The following VWA3B variants were observed in gnomAD, a reference collection of about 807,000 sequenced individuals.
The protein encoded by VWA3B is von Willebrand factor A domain containing 3B.
Under a neutral mutation model 158.3 loss-of-function variants are expected in VWA3B, and 138 were observed. The ratio of observed to expected loss-of-function variants is 0.87; its 90% CI spans 0.76 to 1.00. VWA3B has a LOEUF of 1.00. Ranked by LOEUF, VWA3B falls within the 50% of genes least tolerant of loss-of-function variation. VWA3B has a pLI of 0.00. For synonymous variants in VWA3B, 596 were observed against 587.3 expected (o/e 1.01, Z -0.21); for missense variants, 1,555 against 1,565.1 (o/e 0.99, Z 0.11).
intron 12 of VWA3B, among the ~76,000 whole-genome samples, chr2:98,198,431 C>T (rs1682244397): frequency 6.6e-6 from 1 of 152,124 alleles, no homozygotes; most frequent in South Asian, 2.1e-4. Context: ...CTTACCCAAT[C>T]TCTTTAGCGT....
intron 26 of VWA3B, among the ~76,000 whole-genome samples, chr2:98,305,866 C>T (rs1310285336): frequency 6.6e-6 from 1 of 152,124 alleles, no homozygotes; most frequent in Non-Finnish European, 1.5e-5. Context: ...TGCAAATCTG[C>T]CTGTGTCCCT....
At chr2:98,108,730 T>TAA (rs1673879685) in intron 2 of VWA3B, among the ~76,000 whole-genome samples, 1 of 152,004 alleles carries the variant, frequency 6.6e-6, no homozygotes, top group African/African-American at 2.4e-5. Flanking sequence ...CTTATATATA[T>TAA]AATTATATTT....
intron 13 of VWA3B, among the ~76,000 whole-genome samples, chr2:98,215,365 C>T (rs1304046016): frequency 6.7e-6 from 1 of 149,524 alleles, no homozygotes; most frequent in Non-Finnish European, 1.5e-5. Flanking sequence ...GGTGTGAACC[C>T]GGGAGTTGAA....
At chr2:98,169,541 T>A (rs1042912392) in intron 8 of VWA3B, among the ~76,000 whole-genome samples, 1 of 152,096 alleles carries the variant, frequency 6.6e-6, no homozygotes, top group Non-Finnish European at 1.5e-5. Flanking sequence ...TAACCATACG[T>A]ATGTCAAAAC....
intron 1 of VWA3B, among the ~76,000 whole-genome samples, chr2:98,091,153 T>C (rs1425775021): frequency 6.6e-6 from 1 of 152,170 alleles, no homozygotes; most frequent in African/African-American, 2.4e-5. Context: ...CCTACTAGAA[T>C]GCAGTCCTAC....
At chr2:98,126,943 A>G (rs892085373) in intron 5 of VWA3B, among the ~76,000 whole-genome samples, 1 of 144,804 alleles carries the variant, frequency 6.9e-6, no homozygotes, top group African/African-American at 2.5e-5. Flanking sequence ...CACCCCAACC[A>G]ACTAGAAATC....
intron 8 of VWA3B, among the ~76,000 whole-genome samples, chr2:98,167,676 C>G (rs750338499): frequency 9.2e-5 from 14 of 152,132 alleles, no homozygotes; most frequent in Non-Finnish European, 1.5e-5. Context: ...TGCAAAGGGT[C>G]CCCCTCAAGA....
At chr2:98,234,278 G>A (rs1685530267) in intron 16 of VWA3B, among the ~76,000 whole-genome samples, 1 of 152,216 alleles carries the variant, frequency 6.6e-6, no homozygotes, top group Non-Finnish European at 1.5e-5. Context: ...AATTCAATGT[G>A]CTATTACTGT....
At chr2:98,283,875 A>AATCCTGTT (rs1444189384) in intron 22 of VWA3B, among the ~76,000 whole-genome samples, 1 of 152,234 alleles carries the variant, frequency 6.6e-6, no homozygotes, top group African/African-American at 2.4e-5. Context: ...GGCAGCACCC[A>AATCCTGTT]ATCCTGTTTC....
chr2:98,147,844 TC>T (rs1434196273), intron 7 of VWA3B, among the ~76,000 whole-genome samples: 9 of 149,472 alleles, frequency 6.0e-5, no homozygotes, highest in South Asian at 4.3e-4. Context: ...ATGCTATCAC[TC>T]CCCCCTCCCC....
chr2:98,096,045 A>G (rs1682684190), intron 2 of VWA3B, among the ~76,000 whole-genome samples: 1 of 152,178 alleles, frequency 6.6e-6, no homozygotes, highest in Non-Finnish European at 1.5e-5. Context: ...AGCATTTTGC[A>G]TCTATGTTCA....
chr2:98,270,455 C>A (rs1340279439), intron 21 of VWA3B, among the ~76,000 whole-genome samples: 1 of 152,148 alleles, frequency 6.6e-6, no homozygotes, highest in African/African-American at 2.4e-5. Context: ...AAGTGCCTAC[C>A]ATAATTCACA....
At chr2:98,226,252 A>G (rs1463859042) in intron 14 of VWA3B, among the ~76,000 whole-genome samples, 1 of 152,260 alleles carries the variant, frequency 6.6e-6, no homozygotes, top group Admixed American at 6.5e-5. Context: ...CCAATGGAAC[A>G]GTTATAGAAA....
In VWA3B at chr2:98,188,129, G is replaced by A. The variant is rs1007710204; in HGVS notation, c.1466G>A (p.Arg489Lys). The change falls in exon 10 of 28, where the codon AGG becomes AAG. Residue 489 changes from arginine (R) to lysine (K), a missense_variant and splice_region_variant. Transcript: ENST00000477737. The part of the protein sequence containing the change: ...IHTALARIRR[R>K]IKWLQDGSQS... ...ACAGCCCTGGCCCGGATCCGAAGGAGGTTGGTGTTATTTGCAGGAAGTTAC... is the reference window on the plus strand; with the variant it reads ...ACAGCCCTGGCCCGGATCCGAAGGAAGTTGGTGTTATTTGCAGGAAGTTAC... 1 of 1,608,490 alleles carries A rather than the reference G, an allele frequency of 6.2e-7. No homozygotes were observed. Among genetic ancestry groups the A allele is most frequent in the South Asian group, 1.1e-5 (1 of 90,050 alleles).
At chr2:98,133,121 G>A (rs1052150195) in intron 6 of VWA3B, among the ~76,000 whole-genome samples, 1 of 152,176 alleles carries the variant, frequency 6.6e-6, no homozygotes, top group Non-Finnish European at 1.5e-5. Context: ...ATCACCCTGT[G>A]CACTACATCA....
At chr2:98,300,521 C>T (rs754809438) in intron 25 of VWA3B, among the ~76,000 whole-genome samples, 7 of 152,192 alleles carry the variant, frequency 4.6e-5, no homozygotes, top group Non-Finnish European at 8.8e-5. Context: ...CTCCGTCTTC[C>T]TCATCCTCGC....
At position 98,211,082 on chromosome 2, in the gene VWA3B, TG is replaced by T. The variant is rs200668023; in HGVS notation, c.1738-843del. On this transcript the variant is annotated intron_variant, in intron 12 of 27. Transcript: ENST00000477737. ...CCACCAGGCAGCCCTGCAGCAGGAT[TG>T]GGGGTCTCGTTCCTGATGAGAGGTC... Among the ~76,000 whole-genome samples, 701 of 152,330 alleles carry T rather than the reference TG, an allele frequency of 4.6e-3. 5 individuals carry two copies. The highest frequency in any genetic ancestry group is 0.016 in the African/African-American group (668 of 41,580).
At chr2:98,283,076 A>G (rs188514213) in intron 22 of VWA3B, among the ~76,000 whole-genome samples, 1 of 152,256 alleles carries the variant, frequency 6.6e-6, no homozygotes, top group South Asian at 2.1e-4. Flanking sequence ...TGTAGAAAGC[A>G]ATCTCCTCGG....
rs555062204 is a variant in VWA3B at position 98,243,180 on chromosome 2, C to G, written c.2673+6450C>G. Among the ~76,000 whole-genome samples the G allele has an allele frequency of 2.0e-5, 3 of 152,232 alleles. No homozygotes were observed. In the South Asian group the frequency reaches 6.2e-4, roughly 32 times the overall value. On this transcript the variant is annotated intron_variant, in intron 19 of 27. Transcript: ENST00000477737. ...CATCCTGTTTTGTACCTGCATTTTT[C>G]AACCACCTATCCATGAACATTGTTC...
Sources: allele counts gnomAD v4.1 joint callset (sites outside exome capture counted in the v4.1 genomes callset), GRCh38; gene constraint gnomAD v4.1.1; transcripts MANE v1.5; gene names NCBI Gene and HGNC (gene_info 2026-07-23, HGNC 2026-07-21).